Variants in ANO7 observed in about 807,000 individuals in gnomAD.
The protein encoded by ANO7 is anoctamin-7.
A neutral mutation model predicts 115.8 loss-of-function variants in ANO7; 114 were observed. That is an observed-to-expected ratio of 0.98 (90% confidence interval 0.85 to 1.15). The LOEUF (loss-of-function observed/expected upper bound fraction) is 1.15. Ranked by LOEUF, ANO7 falls within the 50% of genes most tolerant of loss-of-function variation. The pLI, the probability that ANO7 is intolerant of heterozygous loss-of-function variation, is 0.00. For synonymous variants in ANO7, 550 were observed against 498.2 expected (o/e 1.10, Z -1.38); for missense variants, 1,302 against 1,201.2 (o/e 1.08, Z -1.24).
Position 241,209,444 on chromosome 2 carries a change from T to C in ANO7, c.1221+16T>C, listed in dbSNP as rs374555184. The C allele has an allele frequency of 1.8e-5, 29 of 1,599,444 alleles. No individual in the cohort carries two copies. The African/African-American group carries it at 2.7e-4, about 15-fold the overall frequency. On this transcript the variant is annotated intron_variant, in intron 12 of 24. Coordinates refer to ENST00000674324, the MANE Select transcript of ANO7 (RefSeq NM_001370694.2). ...GGACACTGAGGTGAGCCACCCCCGC[T>C]GGACCACGGTCACACCCGGCGAGGG...
chr2:241,224,843 T>A lies in ANO7; in HGVS notation c.*690T>A, dbSNP rs941466221. The A allele has an allele frequency of 6.6e-6, 1 of 152,274 alleles. No individual in the cohort carries two copies. Among genetic ancestry groups the A allele is most frequent in the Non-Finnish European group, 1.5e-5 (1 of 68,102 alleles). The allele number at this position is 152,274 out of a possible 1,614,324, so 9.4% of individuals were successfully genotyped here. ...GCAGCAATTACATGTGTCCTTTTGATCCTTGCCCAACTTCCCTCCCTCTCC... is the reference window on the plus strand; with the variant it reads ...GCAGCAATTACATGTGTCCTTTTGAACCTTGCCCAACTTCCCTCCCTCTCC... On this transcript the variant is annotated 3_prime_UTR_variant, in exon 25 of 25. Transcript: ENST00000674324.
the ANO7 span, among the ~76,000 whole-genome samples, chr2:241,237,031 G>C: frequency 6.7e-6 from 1 of 148,298 alleles, no homozygotes; most frequent in Non-Finnish European, 1.5e-5. Context: ...CGTGAGCTCT[G>C]TGTCTCCCTT....
chr2:241,239,054 C>G, the ANO7 span, among the ~76,000 whole-genome samples: 1 of 152,164 alleles, frequency 6.6e-6, no homozygotes, highest in Admixed American at 6.5e-5. This position sits in a 1 kb window ranked among gnomAD's most constrained non-coding sequence, Gnocchi z 4.6. Context: ...GGAGTGGGAC[C>G]TCCTGGGGTA....
chr2:241,217,475 G>T, intron 19 of ANO7: 1 of 586,046 alleles, frequency 1.7e-6, no homozygotes, highest in Non-Finnish European at 3.0e-6. Context: ...GAAGCACGGA[G>T]CGCAGGGCAG....
chr2:241,231,235 T>C, the ANO7 span: 7 of 295,356 alleles, frequency 2.4e-5, no homozygotes, highest in Non-Finnish European at 3.9e-5. Context: ...AAATACAATA[T>C]TAGCCGGGCG....
intron 1 of ANO7, among the ~76,000 whole-genome samples, chr2:241,189,164 C>G (rs538637549): frequency 6.6e-6 from 1 of 152,256 alleles, no homozygotes; most frequent in African/African-American, 2.4e-5. Flanking sequence ...GAACACCCCA[C>G]AGTCCGTAGT....
chr2:241,214,812 C>T lies in ANO7; in HGVS notation c.1736C>T (p.Ala579Val), dbSNP rs376199713. ...LFGVRNEECAAGGCLIELAQE... is the reference protein window; with the variant it reads ...LFGVRNEECAVGGCLIELAQE... ...TGAGCCCTGCTGCCGTAGTGCGCGG[C>T]TGGAGGCTGCCTGATCGAGCTGGCA... Residue 579 changes from alanine to valine, a missense_variant, in exon 18 of 25, where the codon GCT becomes GTT. Physicochemically the swap from Ala to Val is moderately conservative, Grantham distance 64. Transcript: ENST00000674324. The T allele has an allele frequency of 1.2e-6, 2 of 1,611,556 alleles. No individual in the cohort carries two copies. Among genetic ancestry groups the T allele is most frequent in the Non-Finnish European group, 1.7e-6 (2 of 1,179,898 alleles).
the ANO7 span, chr2:241,235,086 G>A: frequency 1.2e-6 from 2 of 1,605,892 alleles, no homozygotes; most frequent in South Asian, 1.1e-5. Context: ...TGAGCACCAT[G>A]GCTCTGGGCA....
At chr2:241,189,481 C>A (rs1350020522) in intron 1 of ANO7, among the ~76,000 whole-genome samples, 1 of 152,168 alleles carries the variant, frequency 6.6e-6, no homozygotes, top group Non-Finnish European at 1.5e-5. Flanking sequence ...GGCACCTGTC[C>A]TCCCACAGAG....
At chr2:241,239,723 T>C in the ANO7 span, 1 of 1,614,100 alleles carries the variant, frequency 6.2e-7, no homozygotes, top group Non-Finnish European at 8.5e-7. This position sits in a 1 kb window ranked among gnomAD's most constrained non-coding sequence, Gnocchi z 4.6. Flanking sequence ...CACCCCGCCA[T>C]ACTCTTCAGC....
the ANO7 span, chr2:241,240,093 G>A: frequency 8.7e-6 from 14 of 1,614,066 alleles, no homozygotes; most frequent in South Asian, 5.5e-5. This position sits in a 1 kb window ranked among gnomAD's most constrained non-coding sequence, Gnocchi z 5.5. Context: ...CTGGCTTGGC[G>A]CGGATGTCAA....
At chr2:241,221,365 C>T (rs1322980211) in intron 21 of ANO7, among the ~76,000 whole-genome samples, 2 of 151,104 alleles carry the variant, frequency 1.3e-5, no homozygotes, top group African/African-American at 2.4e-5. Context: ...CCTGAGCCAC[C>T]TTTCACGCCC....
downstream of ANO7, chr2:241,227,949 C>T (rs2069286662): frequency 6.6e-6 from 1 of 152,242 alleles, no homozygotes; most frequent in Non-Finnish European, 1.5e-5. Context: ...AGCTATATTC[C>T]TTCCAATCCC....
At position 241,199,316 on chromosome 2, in the gene ANO7, C is replaced by T. The variant is rs1173943401; in HGVS notation, c.310C>T (p.Gln104Ter). ...LRAAGLCVDQQDVQDGNTTVH... is the reference protein window; with the variant it reads ...LRAAGLCVDQ The stretch of plus-strand genomic sequence containing the variant: ...CTCACGGAGCCCTGGGTGCCTACAG[C>T]AGGACGTCCAGGACGGGAACACCAC... The change falls in exon 5 of 25, where the codon CAG becomes TAG. Residue 104 changes from glutamine (Q) to a stop codon, truncating the protein, a stop_gained and splice_region_variant. Coordinates refer to ENST00000674324, the MANE Select transcript of ANO7 (RefSeq NM_001370694.2). LOFTEE classifies it high-confidence loss of function. The T allele has an allele frequency of 6.2e-6, 10 of 1,613,588 alleles. No homozygotes were observed. The highest frequency in any genetic ancestry group is 5.1e-6 in the Non-Finnish European group (6 of 1,179,942).
downstream of ANO7, chr2:241,228,261 GACCAGAAA>G (rs946120620): frequency 6.6e-6 from 1 of 152,320 alleles, no homozygotes; most frequent in African/African-American, 2.4e-5. Flanking sequence ...AGGATGTTAA[GACCAGAAA>G]ACCAGAGACT....
At chr2:241,205,046 C>CAGACAGCTGGTGCTTG in intron 10 of ANO7, 91 bp downstream of exon 10, 1 of 1,085,788 alleles carries the variant, frequency 9.2e-7, no homozygotes, top group Non-Finnish European at 1.4e-6. Context: ...AGGTCCTGTG[C>CAGACAGCTGGTGCTTG]AGACAGCTGG....
intron 6 of ANO7, among the ~76,000 whole-genome samples, 191 bp downstream of exon 6, chr2:241,200,416 G>A (rs1384799269): frequency 2.6e-5 from 4 of 152,240 alleles, no homozygotes; most frequent in Admixed American, 1.3e-4. Context: ...GGGCTGGGGC[G>A]GTTGTGCTGC....
At chr2:241,222,437 GCTCT>G (rs1362415840) in intron 21 of ANO7, among the ~76,000 whole-genome samples, 1 of 151,804 alleles carries the variant, frequency 6.6e-6, no homozygotes, top group Non-Finnish European at 1.5e-5. Flanking sequence ...CCCCAAGTGT[GCTCT>G]CTGTGTTGCC....
chr2:241,199,851 C>T (rs956731731), intron 5 of ANO7, among the ~76,000 whole-genome samples: 1 of 152,194 alleles, frequency 6.6e-6, no homozygotes, highest in Non-Finnish European at 1.5e-5. Context: ...CCAGTTCCCA[C>T]CCCTTTTCCA....
Sources: gnomAD v4.1 joint callset for allele counts (sites outside exome capture counted in the v4.1 genomes callset) on GRCh38, gnomAD v4.1.1 for gene constraint, Gnocchi (gnomAD v3.1) non-coding constraint, MANE v1.5 for transcripts, NCBI Gene and HGNC (gene_info 2026-07-23, HGNC 2026-07-21) for gene names.